EYS: variants seen among roughly 807,000 people sequenced by gnomAD.
EYS encodes the protein protein eyes shut homolog.
Under a neutral mutation model 282.1 loss-of-function variants are expected in EYS, and 250 were observed. The observed-to-expected ratio is 0.89, with a 90% CI of 0.80 to 0.98. The LOEUF (loss-of-function observed/expected upper bound fraction) is 0.98, where lower values mean the gene tolerates loss of function less well. Ranked by LOEUF, EYS falls within the 50% of genes least tolerant of loss-of-function variation. The pLI is 0.00. For missense variants in EYS, 4,016 were observed against 3,709.0 expected (o/e 1.08, Z -2.15); for synonymous variants, 1,355 against 1,282.9 (o/e 1.06, Z -1.20).
chr6:63,931,284 G>A (rs889913772), intron 35 of EYS, among the ~76,000 whole-genome samples: 3 of 149,982 alleles, frequency 2.0e-5, no homozygotes, highest in Non-Finnish European at 3.0e-5. Flanking sequence ...TAGGATGTCA[G>A]CACAACAGCT....
intron 26 of EYS, among the ~76,000 whole-genome samples, chr6:64,478,485 G>C (rs993972833): frequency 2.0e-5 from 3 of 151,160 alleles, no homozygotes; most frequent in Non-Finnish European, 4.4e-5. Flanking sequence ...ATTATTGCCA[G>C]TATTTGTCAT....
chr6:64,770,011 T>C, intron 22 of EYS, among the ~76,000 whole-genome samples: 1 of 151,814 alleles, frequency 6.6e-6, no homozygotes, highest in East Asian at 1.9e-4. Flanking sequence ...GTAGAAATAA[T>C]TTTTTTTACT....
At chr6:64,540,107 T>G (rs1434262232) in intron 26 of EYS, among the ~76,000 whole-genome samples, 1 of 152,194 alleles carries the variant, frequency 6.6e-6, no homozygotes, top group Non-Finnish European at 1.5e-5. Context: ...TGAGAAAATA[T>G]CAGGCAAAAT....
chr6:64,842,892 C>T (rs1212910542), intron 19 of EYS, among the ~76,000 whole-genome samples: 1 of 152,036 alleles, frequency 6.6e-6, no homozygotes, highest in Admixed American at 6.6e-5. Flanking sequence ...AGAGAGAAAA[C>T]CCCATTTTTT....
intron 14 of EYS, among the ~76,000 whole-genome samples, chr6:64,969,114 T>C (rs573486489): frequency 6.6e-6 from 1 of 152,270 alleles, no homozygotes; most frequent in African/African-American, 2.4e-5. Context: ...TCTCATTTCC[T>C]AAAACTTTTC....
chr6:65,523,443 T>C (rs987957675), intron 2 of EYS, among the ~76,000 whole-genome samples: 1 of 152,018 alleles, frequency 6.6e-6, no homozygotes, highest in Non-Finnish European at 1.5e-5. Context: ...AGAAAAATAG[T>C]GCATGATCTC....
intron 26 of EYS, among the ~76,000 whole-genome samples, chr6:64,568,977 G>T (rs1053116717): frequency 3.7e-5 from 5 of 135,790 alleles, no homozygotes; most frequent in African/African-American, 1.1e-4. Context: ...CCATCCAAAG[G>T]TCACCAGCAT....
chr6:64,914,854 A>C (rs922091414), intron 15 of EYS, among the ~76,000 whole-genome samples: 1 of 152,070 alleles, frequency 6.6e-6, no homozygotes, highest in Non-Finnish European at 1.5e-5. Flanking sequence ...CTATCATGAT[A>C]ATTGCACATT....
intron 26 of EYS, among the ~76,000 whole-genome samples, chr6:64,456,987 T>G (rs918741396): frequency 5.3e-5 from 8 of 152,008 alleles, no homozygotes; most frequent in Non-Finnish European, 2.9e-5. Flanking sequence ...ATTATGACCT[T>G]TTTTGATGTA....
intron 31 of EYS, among the ~76,000 whole-genome samples, chr6:64,174,424 A>G (rs1432034976): frequency 6.6e-6 from 1 of 152,006 alleles, no homozygotes. Context: ...TTATAATAGT[A>G]ATACTTAAAT....
At chr6:64,744,622 C>A (rs1772493244) in intron 22 of EYS, among the ~76,000 whole-genome samples, 1 of 152,006 alleles carries the variant, frequency 6.6e-6, no homozygotes, top group African/African-American at 2.4e-5. Context: ...AAAACTTGAA[C>A]TAAAAACATG....
intron 12 of EYS, among the ~76,000 whole-genome samples, chr6:65,120,148 T>G (rs1775491907): frequency 2.6e-5 from 2 of 78,392 alleles, no homozygotes; most frequent in Non-Finnish European, 2.5e-5. Context: ...CGAGACTCCG[T>G]CTCAAAAAAA....
intron 2 of EYS, among the ~76,000 whole-genome samples, chr6:65,602,427 A>T (rs909205842): frequency 6.6e-6 from 1 of 152,000 alleles, no homozygotes; most frequent in Non-Finnish European, 1.5e-5. Flanking sequence ...TTAAATAAAC[A>T]TAAACATTAA....
chr6:65,674,288 G>C (rs1339975515), intron 1 of EYS, among the ~76,000 whole-genome samples: 2 of 151,414 alleles, frequency 1.3e-5, no homozygotes, highest in East Asian at 3.9e-4. Context: ...CGTTGAAGAA[G>C]TCCAGTGGCA....
chr6:65,063,685 TTTCA>T (rs1181162563), intron 12 of EYS, among the ~76,000 whole-genome samples: 8 of 152,076 alleles, frequency 5.3e-5, no homozygotes, highest in African/African-American at 1.9e-4. Context: ...CATGCTTAGT[TTTCA>T]TTCAGAGTAA....
chr6:65,135,662 A>ATT (rs111931407), intron 12 of EYS, among the ~76,000 whole-genome samples: 4 of 151,106 alleles, frequency 2.6e-5, no homozygotes, highest in East Asian at 1.9e-4. Flanking sequence ...AATCTCATTC[A>ATT]TTTTTTTTTA....
intron 11 of EYS, chr6:65,330,993 T>A (rs1041345170): frequency 1.0e-6 from 1 of 984,366 alleles, no homozygotes. Flanking sequence ...ATACTCGGGT[T>A]GTTGTCAGAG....
intron 9 of EYS, among the ~76,000 whole-genome samples, chr6:65,349,543 C>T (rs1281340281): frequency 1.3e-5 from 2 of 151,370 alleles, no homozygotes; most frequent in African/African-American, 4.8e-5. Flanking sequence ...ATGTATCATA[C>T]ATAAGGTTAT....
At chr6:65,656,574 G>A (rs1554221064) in intron 1 of EYS, among the ~76,000 whole-genome samples, 4 of 151,856 alleles carry the variant, frequency 2.6e-5, no homozygotes, top group Non-Finnish European at 5.9e-5. Flanking sequence ...AGAGAGATGA[G>A]GAAGTTACAG....
Sources: allele counts gnomAD v4.1 joint callset (sites outside exome capture counted in the v4.1 genomes callset), GRCh38; gene constraint gnomAD v4.1.1; transcripts MANE v1.5; gene names NCBI Gene and HGNC (gene_info 2026-07-23, HGNC 2026-07-21).